The following EPB41L4A variants were observed in gnomAD, a reference collection of about 807,000 sequenced individuals.
EPB41L4A encodes the protein erythrocyte membrane protein band 4.1 like 4A.
EPB41L4A carries 100 observed loss-of-function variants against 108.6 expected under a neutral mutation model. That is an observed-to-expected ratio of 0.92 (90% CI 0.78 to 1.09). The LOEUF is 1.09. Ranked by LOEUF, EPB41L4A falls within the 50% of genes least tolerant of loss-of-function variation. The pLI, the probability that EPB41L4A is intolerant of heterozygous loss-of-function variation, is 0.00. For synonymous variants in EPB41L4A, 319 were observed against 289.0 expected (o/e 1.10, Z -1.05); for missense variants, 1,030 against 842.7 (o/e 1.22, Z -2.75).
intron 6 of EPB41L4A, chr5:112,263,629 C>G (rs1003527888): frequency 6.6e-6 from 1 of 152,194 alleles, no homozygotes; most frequent in Admixed American, 6.5e-5. Context: ...TGACCATCTA[C>G]TTCAGCAGAA....
intron 2 of EPB41L4A, among the ~76,000 whole-genome samples, chr5:112,283,716 C>G (rs975286334): frequency 1.3e-5 from 2 of 152,096 alleles, no homozygotes; most frequent in African/African-American, 4.8e-5. Context: ...AGACACTGTC[C>G]TTAGTATGGG....
At chr5:112,313,828 TC>T (rs916875025) in intron 1 of EPB41L4A, among the ~76,000 whole-genome samples, 2 of 148,634 alleles carry the variant, frequency 1.3e-5, no homozygotes, top group Non-Finnish European at 3.0e-5. Flanking sequence ...CAATTCATAC[TC>T]CCCAACCGCT....
chr5:112,361,217 TC>T (rs1758729677), intron 1 of EPB41L4A, among the ~76,000 whole-genome samples: 2 of 150,114 alleles, frequency 1.3e-5, no homozygotes, highest in African/African-American at 4.9e-5. Context: ...CTATGACCTT[TC>T]CCCCAACCCC....
intron 13 of EPB41L4A, among the ~76,000 whole-genome samples, chr5:112,144,569 G>T (rs564456611): frequency 1.9e-4 from 29 of 152,260 alleles, no homozygotes; most frequent in Admixed American, 1.6e-3. Flanking sequence ...GAGCCACCGC[G>T]CCTGGTCTTG....
At chr5:112,240,235 C>G (rs1749669892) in intron 10 of EPB41L4A, among the ~76,000 whole-genome samples, 1 of 152,190 alleles carries the variant, frequency 6.6e-6, no homozygotes, top group South Asian at 2.1e-4. Context: ...TTCTGCTTCT[C>G]TCTCCACTGT....
intron 1 of EPB41L4A, among the ~76,000 whole-genome samples, chr5:112,324,908 G>A (rs947989236): frequency 1.3e-5 from 2 of 152,068 alleles, no homozygotes; most frequent in African/African-American, 4.8e-5. Context: ...GATACTAAAT[G>A]TGTGGTAGAT....
intron 1 of EPB41L4A, among the ~76,000 whole-genome samples, chr5:112,413,011 C>T (rs1441580010): frequency 6.6e-6 from 1 of 152,180 alleles, no homozygotes. Context: ...TTAAAAATTA[C>T]AGTGCTGGTT....
At chr5:112,193,935 C>G (rs995570102) in intron 17 of EPB41L4A, among the ~76,000 whole-genome samples, 1 of 152,182 alleles carries the variant, frequency 6.6e-6, no homozygotes, top group Non-Finnish European at 1.5e-5. Context: ...CCTCTGACTC[C>G]CAAGGTGCTC....
intron 1 of EPB41L4A, among the ~76,000 whole-genome samples, chr5:112,343,761 A>AAG (rs555652332): frequency 6.6e-6 from 1 of 152,222 alleles, no homozygotes. Context: ...AATAAATAGC[A>AAG]AGAGAGAGAG....
At chr5:112,273,277 T>C (rs1420294203) in intron 4 of EPB41L4A, among the ~76,000 whole-genome samples, 1 of 152,218 alleles carries the variant, frequency 6.6e-6, no homozygotes, top group Non-Finnish European at 1.5e-5. Flanking sequence ...TGTTCTTAAC[T>C]ACACAAGCTG....
At chr5:112,172,238 T>C (rs114939751) in intron 18 of EPB41L4A, among the ~76,000 whole-genome samples, 9,235 of 152,180 alleles carry the variant, frequency 0.061, 934 homozygotes, top group African/African-American at 0.21. Flanking sequence ...AGGCTGGGCA[T>C]AGTGGCTCAA....
intron 1 of EPB41L4A, among the ~76,000 whole-genome samples, chr5:112,415,972 G>C (rs530224712): frequency 6.2e-5 from 9 of 146,208 alleles, no homozygotes; most frequent in Non-Finnish European, 1.0e-4. Context: ...TTATTTTTCT[G>C]GTATTTTTTT....
At chr5:112,241,580 T>C (rs538660180) in intron 9 of EPB41L4A, among the ~76,000 whole-genome samples, 247 of 152,218 alleles carry the variant, frequency 1.6e-3, no homozygotes, top group African/African-American at 5.7e-3. Context: ...TAAAAAGCAA[T>C]AGAGCATAAC....
At chr5:112,170,410 G>T in intron 19 of EPB41L4A, 41 bp from the exon 20 acceptor site, 1 of 1,278,522 alleles carries the variant, frequency 7.8e-7, no homozygotes, top group Non-Finnish European at 1.1e-6. Flanking sequence ...TGTGGTGCTG[G>T]TATAAATGCT....
intron 3 of EPB41L4A, among the ~76,000 whole-genome samples, chr5:112,276,230 T>C (rs570116741): frequency 2.2e-4 from 34 of 152,292 alleles, no homozygotes; most frequent in Non-Finnish European, 3.7e-4. Flanking sequence ...TAAGAAAACC[T>C]TTCTCATCTC....
rs557473011 is a variant in EPB41L4A at position 112,145,013 on chromosome 5, G to A, written n.1112+868C>T. ...AAAAGTAAGTTAATTCTGGCTGTGC[G>A]TGGTGGTGACTCATGCTTGTAATCC... On this transcript the variant is annotated intron_variant and non_coding_transcript_variant, in intron 13 of 13. Coordinates refer to the EPB41L4A transcript ENST00000507810. Among the ~76,000 whole-genome samples, 24 of 152,346 alleles carry A rather than the reference G, an allele frequency of 1.6e-4. 1 individual carries two copies. Among genetic ancestry groups the A allele is most frequent in the African/African-American group, 5.1e-4 (21 of 41,578 alleles).
chr5:112,164,998 C>G lies in EPB41L4A; in HGVS notation c.2053G>C (p.Glu685Gln), dbSNP rs778367471. Residue 685 changes from glutamate to glutamine, a missense_variant, in exon 23 of 23, where the codon GAG becomes CAG. Transcript: ENST00000261486. ...TTGACCCTTCATCAGGATCAAGTCT[C>G]TGTCTTGAGGCGGGAAGCTTGTATA... Reference protein sequence around the residue: ...KTIQASRLKTET With the variant: ...KTIQASRLKTQT The G allele has an allele frequency of 6.2e-7, 1 of 1,612,904 alleles. No individual in the cohort carries two copies. Among genetic ancestry groups the G allele is most frequent in the Non-Finnish European group, 8.5e-7 (1 of 1,179,694 alleles).
intron 18 of EPB41L4A, among the ~76,000 whole-genome samples, chr5:112,176,111 G>A (rs1461266127): frequency 6.6e-6 from 1 of 152,080 alleles, no homozygotes; most frequent in African/African-American, 2.4e-5. Context: ...AGACCTGGGG[G>A]AACTTACTAA....
At chr5:112,367,000 T>A (rs1393345572) in intron 1 of EPB41L4A, among the ~76,000 whole-genome samples, 1 of 152,162 alleles carries the variant, frequency 6.6e-6, no homozygotes, top group African/African-American at 2.4e-5. Flanking sequence ...CTTCACAATG[T>A]GGCTCTGCTG....
Sources: gnomAD v4.1 joint callset for allele counts (sites outside exome capture counted in the v4.1 genomes callset) on GRCh38, gnomAD v4.1.1 for gene constraint, MANE v1.5 for transcripts, NCBI Gene and HGNC (gene_info 2026-07-23, HGNC 2026-07-21) for gene names.